Variants in PMM2 observed in about 807,000 individuals in gnomAD.
The protein encoded by PMM2 is phosphomannomutase 2, also known as mannose-6-phosphate isomerase.
A neutral mutation model predicts 33.2 loss-of-function variants in PMM2; 35 were observed. The observed-to-expected ratio is 1.06, with a 90% CI of 0.81 to 1.40. The LOEUF is 1.40. PMM2 is among the 40% of genes most tolerant of loss of function. The pLI, the probability that PMM2 is intolerant of heterozygous loss-of-function variation, is 0.00. For missense variants in PMM2, 386 were observed against 306.0 expected (o/e 1.26, Z -1.95); for synonymous variants, 153 against 114.7 (o/e 1.33, Z -2.13).
chr16:8,838,728 G>A (rs551330156), intron 7 of PMM2, among the ~76,000 whole-genome samples: 2 of 152,138 alleles, frequency 1.3e-5, no homozygotes, highest in African/African-American at 4.8e-5. Flanking sequence ...GGTATTAAAG[G>A]ACTAAGAATT....
chr16:8,816,242 T>C (rs988505148), intron 7 of PMM2, among the ~76,000 whole-genome samples: 1 of 152,052 alleles, frequency 6.6e-6, no homozygotes, highest in Non-Finnish European at 1.5e-5. Context: ...TTCTTATACC[T>C]CAGCCTCCCG....
chr16:8,842,714 G>A (rs908891168), intron 7 of PMM2, among the ~76,000 whole-genome samples: 2 of 152,210 alleles, frequency 1.3e-5, no homozygotes, highest in African/African-American at 2.4e-5. Context: ...AGACTTGTCC[G>A]GTTTCTGGAC....
chr16:8,801,635 GC>G (rs2060616950), intron 1 of PMM2, among the ~76,000 whole-genome samples, 163 bp from the exon 2 acceptor site: 1 of 152,094 alleles, frequency 6.6e-6, no homozygotes, highest in East Asian at 1.9e-4. Context: ...CCATGCCACT[GC>G]ACTCCAGCTT....
intron 7 of PMM2, among the ~76,000 whole-genome samples, chr16:8,826,909 C>G (rs1216362132): frequency 1.3e-5 from 2 of 152,062 alleles, no homozygotes; most frequent in African/African-American, 2.4e-5. Flanking sequence ...ATCAGTCGTT[C>G]TATTTTAGGA....
At chr16:8,835,939 A>G (rs1237360491) in intron 7 of PMM2, among the ~76,000 whole-genome samples, 2 of 151,844 alleles carry the variant, frequency 1.3e-5, no homozygotes, top group South Asian at 2.1e-4. Flanking sequence ...AATGAGATGT[A>G]GCTGTAGTTC....
chr16:8,837,609 TGGGGCGCAGAAATAAGGGATC>T (rs2060859015), intron 7 of PMM2, among the ~76,000 whole-genome samples: 1 of 149,862 alleles, frequency 6.7e-6, no homozygotes, highest in Non-Finnish European at 1.5e-5. Context: ...TATAAGAGAT[TGGGGCGCAGAAATAAGGGATC>T]GGGGCGCAGA....
chr16:8,828,338 CA>C (rs910511341), intron 7 of PMM2, among the ~76,000 whole-genome samples: 1 of 151,668 alleles, frequency 6.6e-6, no homozygotes, highest in Non-Finnish European at 1.5e-5. Context: ...AAATGGCACA[CA>C]AAAAAAACTT....
Position 8,847,775 on chromosome 16 carries a change from G to A in PMM2, c.691G>A (p.Val231Met), listed in dbSNP as rs80338707. Residue 231 changes from valine to methionine, a missense_variant, in exon 8 of 8, where the codon GTG (valine) becomes ATG (methionine). Coordinates refer to ENST00000268261, the MANE Select transcript of PMM2 (RefSeq NM_000303.3). ...AGACCCCAGAACCATGGGCTACTCC[G>A]TGACAGCGCCTGAGGACACGCGCAG... Reference protein sequence around the residue: ...FTDPRTMGYSVTAPEDTRRIC... With the variant: ...FTDPRTMGYSMTAPEDTRRIC... 5.6e-5 allele frequency: 91 copies of A among 1,613,918 alleles called. No individual in the cohort carries two copies. Among genetic ancestry groups the A allele is most frequent in the South Asian group, 1.1e-4 (10 of 91,090 alleles).
intron 7 of PMM2, among the ~76,000 whole-genome samples, chr16:8,841,064 A>G (rs117678611): frequency 0.046 from 6,924 of 152,134 alleles, 268 homozygotes; most frequent in Middle Eastern, 0.13. Flanking sequence ...AATTCTGAGA[A>G]GAGCAAGAAG....
At chr16:8,832,779 T>C (rs2060818496) in intron 7 of PMM2, 2 of 962,528 alleles carry the variant, frequency 2.1e-6, no homozygotes, top group Non-Finnish European at 2.5e-6. Context: ...CCACAATCTG[T>C]GAGGCCCGCT....
chr16:8,844,889 A>C (rs760837126), intron 7 of PMM2, among the ~76,000 whole-genome samples: 2 of 152,166 alleles, frequency 1.3e-5, no homozygotes, highest in Non-Finnish European at 2.9e-5. Context: ...ATTGGATTTG[A>C]AATTGGTGAG....
chr16:8,814,158 T>C (rs2141025066), intron 7 of PMM2, among the ~76,000 whole-genome samples: 1 of 152,120 alleles, frequency 6.6e-6, no homozygotes, highest in South Asian at 2.1e-4. Flanking sequence ...TGATTTTTAG[T>C]ACAGACAGGG....
intron 7 of PMM2, among the ~76,000 whole-genome samples, chr16:8,823,171 C>G (rs1596494772): frequency 6.6e-6 from 1 of 152,086 alleles, no homozygotes; most frequent in South Asian, 2.1e-4. Context: ...GGCTAGGCAT[C>G]TTTAGTTATA....
rs2141014144 is a variant in PMM2, at chr16:8,797,927, G to C, written c.45G>C (p.Gly15=). 6.2e-7 allele frequency: 1 copy of C among 1,609,278 alleles called. No homozygotes were observed. Among genetic ancestry groups the C allele is most frequent in the Non-Finnish European group, 8.5e-7 (1 of 1,178,348 alleles). The change falls in exon 1 of 8, where the codon GGG becomes GGC. Residue 15 remains glycine, a synonymous_variant. Transcript: ENST00000268261. The stretch of plus-strand genomic sequence containing the variant: ...CGCTCTGCCTCTTCGACGTGGATGG[G>C]ACCCTCACCGCCCCGCGGCAGGTAA... ...GPALCLFDVD[G]TLTAPRQKIT... is the part of the protein sequence containing the mutation.
chr16:8,841,689 G>A lies in PMM2; in HGVS notation c.640-6035G>A, dbSNP rs1272585830. On this transcript the variant is annotated intron_variant, in intron 7 of 7. Coordinates refer to ENST00000268261, the MANE Select transcript of PMM2 (RefSeq NM_000303.3). Reference sequence around the variant, plus strand: ...TGGAACCGCCATCAATAAATCAAGCGTGATCAGGGTGAGGAACAGGAAAGA... The same window carrying A: ...TGGAACCGCCATCAATAAATCAAGCATGATCAGGGTGAGGAACAGGAAAGA... 2.9e-4 allele frequency among the ~76,000 whole-genome samples: 39 copies of A among 135,470 alleles called. 2 individuals carry two copies. Among genetic ancestry groups the A allele is most frequent in the Middle Eastern group, 3.6e-3 (1 of 276 alleles). The allele number at this position is 135,470 out of a possible 152,430, so 88.9% of individuals were successfully genotyped here.
At chr16:8,843,161 G>C (rs998997150) in intron 7 of PMM2, among the ~76,000 whole-genome samples, 1 of 152,174 alleles carries the variant, frequency 6.6e-6, no homozygotes, top group Non-Finnish European at 1.5e-5. Context: ...AAGAGGTTTA[G>C]AAGCCTGGCC....
chr16:8,830,304 C>T (rs2060802311), intron 7 of PMM2, among the ~76,000 whole-genome samples: 1 of 152,190 alleles, frequency 6.6e-6, no homozygotes, highest in Admixed American at 6.5e-5. Flanking sequence ...TCCACAGGTT[C>T]TCCTTGCCCA....
intron 7 of PMM2, chr16:8,832,357 C>T (rs1432082460): frequency 1.0e-6 from 1 of 985,316 alleles, no homozygotes; most frequent in African/African-American, 1.7e-5. Context: ...GAGGATTTCA[C>T]CTTCCTGGAT....
chr16:8,822,569 C>T (rs1429899395), intron 7 of PMM2, among the ~76,000 whole-genome samples: 1 of 152,186 alleles, frequency 6.6e-6, no homozygotes, highest in East Asian at 1.9e-4. Flanking sequence ...AAGATGGAGT[C>T]ATTTAGGTCA....
Sources: gnomAD v4.1 joint callset for allele counts (sites outside exome capture counted in the v4.1 genomes callset) on GRCh38, gnomAD v4.1.1 for gene constraint, MANE v1.5 for transcripts, NCBI Gene and HGNC (gene_info 2026-07-23, HGNC 2026-07-21) for gene names.